Variants in CTNNA3 observed in about 807,000 individuals in gnomAD.
CTNNA3 encodes catenin alpha 3.
CTNNA3 carries 76 observed loss-of-function variants against 95.7 expected under a neutral mutation model. The ratio of observed to expected loss-of-function variants is 0.79; its 90% CI spans 0.66 to 0.96. The LOEUF (loss-of-function observed/expected upper bound fraction) is 0.96, where lower values mean the gene tolerates loss of function less well. Among genes scored for constraint, CTNNA3 ranks in the 40% least tolerant of loss-of-function variants. The pLI is 0.00. For missense variants in CTNNA3, 1,191 were observed against 1,089.8 expected, an observed-to-expected ratio of 1.09 and a Z score of -1.31; for synonymous variants, 431 against 374.4, an observed-to-expected ratio of 1.15 and a Z score of -1.74.
chr10:67,455,874 A>G (rs2132978001), intron 5 of CTNNA3, among the ~76,000 whole-genome samples: 1 of 152,302 alleles, frequency 6.6e-6, no homozygotes, highest in African/African-American at 2.4e-5. Flanking sequence ...TAAAGGAAAA[A>G]TTAGGGAAAT....
intron 5 of CTNNA3, among the ~76,000 whole-genome samples, chr10:67,471,540 A>G (rs917548055): frequency 1.2e-4 from 18 of 152,362 alleles, no homozygotes; most frequent in Non-Finnish European, 1.6e-4. Context: ...AAATTTCATT[A>G]AAAGAAAACT....
intron 11 of CTNNA3, among the ~76,000 whole-genome samples, chr10:66,477,228 A>G (rs1472665484): frequency 6.6e-6 from 1 of 152,140 alleles, no homozygotes; most frequent in Admixed American, 6.6e-5. Flanking sequence ...TGAATTTAGA[A>G]CATTTCAACT....
intron 15 of CTNNA3, among the ~76,000 whole-genome samples, chr10:65,992,600 C>T (rs2078567435): frequency 6.6e-6 from 1 of 152,050 alleles, no homozygotes; most frequent in South Asian, 2.1e-4. Context: ...CCTCCTTTTA[C>T]ATTTATAATT....
chr10:66,931,924 G>A (rs1036705731), intron 7 of CTNNA3, among the ~76,000 whole-genome samples: 8 of 152,120 alleles, frequency 5.3e-5, no homozygotes, highest in African/African-American at 1.9e-4. Flanking sequence ...TCATCAGCAA[G>A]ATACATGTAA....
intron 7 of CTNNA3, among the ~76,000 whole-genome samples, chr10:67,083,601 T>C (rs1857155786): frequency 6.6e-6 from 1 of 152,182 alleles, no homozygotes; most frequent in Non-Finnish European, 1.5e-5. Context: ...CTAAGAATTA[T>C]TCAGATACTA....
intron 15 of CTNNA3, among the ~76,000 whole-genome samples, chr10:66,007,274 G>A (rs1417703048): frequency 6.6e-6 from 1 of 152,010 alleles, no homozygotes; most frequent in Non-Finnish European, 1.5e-5. Context: ...GAAATAATCA[G>A]CCTTAGTTCA....
intron 12 of CTNNA3, among the ~76,000 whole-genome samples, chr10:66,336,940 T>C (rs2092403895): frequency 6.6e-6 from 1 of 152,092 alleles, no homozygotes; most frequent in Non-Finnish European, 1.5e-5. Flanking sequence ...GAGTTAACTG[T>C]GGATTTTTTT....
At chr10:67,726,570 T>A (rs1841226353) in intron 1 of CTNNA3, among the ~76,000 whole-genome samples, 1 of 72,236 alleles carries the variant, frequency 1.4e-5, no homozygotes, top group Non-Finnish European at 2.2e-5. Context: ...TAATATATAT[T>A]ACATATTATA....
intron 11 of CTNNA3, among the ~76,000 whole-genome samples, chr10:66,452,979 G>T (rs1047542240): frequency 1.3e-5 from 2 of 152,140 alleles, no homozygotes; most frequent in African/African-American, 4.8e-5. Context: ...ACTTTCAGAG[G>T]CTGAGGCAGG....
intron 13 of CTNNA3, among the ~76,000 whole-genome samples, chr10:66,175,732 C>G (rs1447438737): frequency 6.6e-6 from 1 of 152,106 alleles, no homozygotes; most frequent in African/African-American, 2.4e-5. Flanking sequence ...CAGGTGCTGG[C>G]CTTTAGACTG....
At chr10:67,179,524 G>C (rs1862409854) in intron 7 of CTNNA3, among the ~76,000 whole-genome samples, 1 of 147,270 alleles carries the variant, frequency 6.8e-6, no homozygotes, top group African/African-American at 2.5e-5. Context: ...ACTAGACACT[G>C]TCACATTTGA....
intron 5 of CTNNA3, among the ~76,000 whole-genome samples, chr10:67,426,391 A>G (rs1845923199): frequency 6.6e-6 from 1 of 152,128 alleles, no homozygotes; most frequent in Non-Finnish European, 1.5e-5. Flanking sequence ...GTTCCTCATG[A>G]ACTGTAGATA....
chr10:66,005,800 C>A (rs992711196), intron 15 of CTNNA3, among the ~76,000 whole-genome samples: 1 of 151,968 alleles, frequency 6.6e-6, no homozygotes, highest in African/African-American at 2.4e-5. Flanking sequence ...TCCTCTTTGA[C>A]ACCCATGGAC....
chr10:66,981,554 T>C (rs1001569905), intron 7 of CTNNA3, among the ~76,000 whole-genome samples: 1 of 152,240 alleles, frequency 6.6e-6, no homozygotes, highest in African/African-American at 2.4e-5. Context: ...CCAACTTCCA[T>C]AGCACATTTT....
intron 5 of CTNNA3, among the ~76,000 whole-genome samples, chr10:67,292,602 T>C (rs548685936): frequency 4.9e-4 from 74 of 152,302 alleles, no homozygotes; most frequent in Non-Finnish European, 9.0e-4. Context: ...TACTTGGCTA[T>C]TTTCTTTGAA....
intron 10 of CTNNA3, among the ~76,000 whole-genome samples, chr10:66,559,058 T>C (rs1450839142): frequency 6.6e-6 from 1 of 152,160 alleles, no homozygotes; most frequent in African/African-American, 2.4e-5. Flanking sequence ...TGACAACTCC[T>C]TTTCCTTCAG....
intron 17 of CTNNA3, among the ~76,000 whole-genome samples, chr10:65,963,290 T>C (rs1030956315): frequency 6.6e-6 from 1 of 152,104 alleles, no homozygotes; most frequent in African/African-American, 2.4e-5. Context: ...ACACCAAAAG[T>C]ACCAAGGAAA....
chr10:67,189,466 T>C (rs1863019735), intron 6 of CTNNA3, among the ~76,000 whole-genome samples: 1 of 152,022 alleles, frequency 6.6e-6, no homozygotes, highest in South Asian at 2.1e-4. Flanking sequence ...TGAGAGTAGA[T>C]ATTAAGTGTT....
intron 9 of CTNNA3, among the ~76,000 whole-genome samples, chr10:66,675,069 T>C (rs1363186263): frequency 2.0e-5 from 3 of 152,030 alleles, no homozygotes; most frequent in Non-Finnish European, 4.4e-5. Flanking sequence ...ATTCCCACTC[T>C]TTCAAATGGG....
Sources: allele counts gnomAD v4.1 joint callset (sites outside exome capture counted in the v4.1 genomes callset), GRCh38; gene constraint gnomAD v4.1.1; transcripts MANE v1.5; gene names NCBI Gene and HGNC (gene_info 2026-07-23, HGNC 2026-07-21).